Variants in PIK3C2B observed in about 807,000 individuals in gnomAD.
PIK3C2B encodes the protein phosphatidylinositol-4-phosphate 3-kinase catalytic subunit type 2 beta.
A neutral mutation model predicts 184.3 loss-of-function variants in PIK3C2B; 83 were observed. That is an observed-to-expected ratio of 0.45 (90% CI 0.38 to 0.54). The LOEUF is 0.54. Ranked by LOEUF, PIK3C2B falls within the 20% of genes least tolerant of loss-of-function variation. PIK3C2B has a pLI of 0.00. For missense variants in PIK3C2B, 1,736 were observed against 2,113.5 expected (o/e 0.82, Z 3.50); for synonymous variants, 779 against 837.6 (o/e 0.93, Z 1.21).
rs961426881 is a variant in PIK3C2B, at chr1:204,432,120, A to C, written c.4155+80T>G. On this transcript the variant is annotated intron_variant, in intron 27 of 32. Coordinates refer to ENST00000684373, the MANE Select transcript of PIK3C2B (RefSeq NM_001377334.1). Reference sequence around the variant, plus strand: ...GGTCAACTCCTGTGCCCACTGTGCAAGTGTGGAAAAAGTCAGGATCCCAGC... The same window carrying C: ...GGTCAACTCCTGTGCCCACTGTGCACGTGTGGAAAAAGTCAGGATCCCAGC... 6.9e-5 allele frequency: 88 copies of C among 1,272,036 alleles called. No individual in the cohort carries two copies. In the African/African-American group the frequency reaches 1.2e-3, roughly 17 times the overall value. 78.8% of individuals were successfully genotyped at this position (1,272,036 alleles called of 1,614,324 possible).
intron 31 of PIK3C2B, among the ~76,000 whole-genome samples, chr1:204,426,534 C>G (rs895445695): frequency 2.0e-5 from 3 of 152,170 alleles, no homozygotes; most frequent in Non-Finnish European, 4.4e-5. Context: ...AGTCCACTCC[C>G]TTCATTCCAT....
chr1:204,473,247 G>A (rs1282299274), intron 1 of PIK3C2B, among the ~76,000 whole-genome samples: 1 of 152,200 alleles, frequency 6.6e-6, no homozygotes, highest in Non-Finnish European at 1.5e-5. Flanking sequence ...CTGGTCTGAA[G>A]GGTTCTGGCT....
rs557344045 is a variant in PIK3C2B, at chr1:204,427,120, GA to G, written c.4587+527del. On this transcript the variant is annotated intron_variant, in intron 31 of 32. Coordinates refer to ENST00000684373, the MANE Select transcript of PIK3C2B (RefSeq NM_001377334.1). ...CCACTGCACTCCAGCCTGGGTGACA[GA>G]GCAAAACTCCATTTCAAAAAAAAAA... Among the ~76,000 whole-genome samples the G allele has an allele frequency of 4.3e-4, 65 of 150,714 alleles. No individual in the cohort carries two copies. In the East Asian group the frequency reaches 0.011, roughly 27 times the overall value.
chr1:204,430,902 C>T (rs543389351), intron 28 of PIK3C2B, among the ~76,000 whole-genome samples: 1 of 152,188 alleles, frequency 6.6e-6, no homozygotes, highest in Non-Finnish European at 1.5e-5. Context: ...AATCTGCCCA[C>T]CTAGGCCTCC....
At chr1:204,453,611 A>G (rs1654559382) in intron 12 of PIK3C2B, among the ~76,000 whole-genome samples, 1 of 152,106 alleles carries the variant, frequency 6.6e-6, no homozygotes, top group African/African-American at 2.4e-5. Context: ...TTCTCTAGAC[A>G]ACCCTCCCTT....
chr1:204,447,339 AC>A lies in PIK3C2B; in HGVS notation c.2489+96del, dbSNP rs1164146801. ...ACTTCCTGCTGAGATGGCAATGCCC[AC>A]CCCTTCCCACCTCCACTCCCAAAGC... On this transcript the variant is annotated intron_variant, in intron 15 of 32. Coordinates refer to ENST00000684373, the MANE Select transcript of PIK3C2B (RefSeq NM_001377334.1). This position sits in a 1 kb window ranked among gnomAD's most constrained non-coding sequence, Gnocchi z 4.1. 8.2e-7 allele frequency: 1 copy of A among 1,223,716 alleles called. No individual in the cohort carries two copies. The highest frequency in any genetic ancestry group is 1.5e-5 in the African/African-American group (1 of 67,158). The allele number at this position is 1,223,716 out of a possible 1,614,324, so 75.8% of individuals were successfully genotyped here. A position where few individuals can be genotyped will look rare whatever the true frequency, so the allele number is the denominator to read the frequency against.
intron 2 of PIK3C2B, chr1:204,466,907 T>C (rs1655846072): frequency 1.9e-6 from 1 of 533,062 alleles, no homozygotes; most frequent in Admixed American, 1.9e-5. Flanking sequence ...TGGCCTGGGA[T>C]AAGGAGGTTC....
intron 1 of PIK3C2B, among the ~76,000 whole-genome samples, chr1:204,486,586 C>G (rs1301449466): frequency 6.6e-6 from 1 of 151,460 alleles, no homozygotes; most frequent in African/African-American, 2.4e-5. Context: ...AAAAAGTAGC[C>G]GGGCATGAAG....
intron 1 of PIK3C2B, among the ~76,000 whole-genome samples, chr1:204,473,224 T>C (rs1011234835): frequency 6.6e-6 from 1 of 152,234 alleles, no homozygotes; most frequent in African/African-American, 2.4e-5. Context: ...CTGTCAGGTA[T>C]AGGCACAGGA....
Position 204,469,683 on chromosome 1 carries a change from G to C in PIK3C2B, c.120C>G (p.Leu40=), listed in dbSNP as rs1473759441. The change falls in exon 2 of 33, where the codon CTC becomes CTG. Residue 40 remains leucine (L), a synonymous_variant. Transcript: ENST00000684373. ...CTCTGTTCTCCTCCTTGTCATGCCG[G>C]AGCCGGGACAGGGCATCATACTCCA... is the stretch of plus-strand genomic sequence containing the variant. ...LQMEYDALSR[L]RHDKEENRAK... is the part of the protein sequence containing the mutation. The C allele has an allele frequency of 1.2e-6, 2 of 1,614,042 alleles. No individual in the cohort carries two copies. Among genetic ancestry groups the C allele is most frequent in the South Asian group, 2.2e-5 (2 of 91,066 alleles).
Position 204,469,232 on chromosome 1 carries a change from T to A in PIK3C2B, c.571A>T (p.Thr191Ser). The part of the protein sequence containing the change: ...SKISQPSDIN[T>S]FSLVEQLPGK... ...GGCAATTGTTCGACCAAAGAGAAAG[T>A]GTTGATGTCACTGGGCTGGGAGATC... is the stretch of plus-strand genomic sequence containing the variant. Residue 191 changes from threonine (T) to serine (S), a missense_variant, in exon 2 of 33, where the codon ACT (threonine) becomes TCT (serine). By Grantham distance (58) the Thr-to-Ser change is moderately conservative (BLOSUM62 1). Transcript: ENST00000684373. 1.3e-6 allele frequency: 2 copies of A among 1,597,938 alleles called. No individual in the cohort carries two copies. The highest frequency in any genetic ancestry group is 1.7e-6 in the Non-Finnish European group (2 of 1,170,160).
intron 1 of PIK3C2B, among the ~76,000 whole-genome samples, chr1:204,481,292 A>G (rs1434213349): frequency 7.7e-6 from 1 of 129,956 alleles, no homozygotes; most frequent in African/African-American, 2.9e-5. Flanking sequence ...TTTTTGAGAC[A>G]TAGTCTCGCT....
intron 8 of PIK3C2B, among the ~76,000 whole-genome samples, chr1:204,458,485 G>A (rs549244785): frequency 6.7e-6 from 1 of 150,354 alleles, no homozygotes; most frequent in South Asian, 2.1e-4. Flanking sequence ...CTCCCCAAAG[G>A]CTATGACAAT....
intron 16 of PIK3C2B, among the ~76,000 whole-genome samples, chr1:204,445,444 A>G (rs1653770974): frequency 6.6e-6 from 1 of 152,002 alleles, no homozygotes; most frequent in African/African-American, 2.4e-5. Context: ...AAAATTTTAA[A>G]AATTAGTCAG....
chr1:204,479,789 T>A (rs1198556963), intron 1 of PIK3C2B, among the ~76,000 whole-genome samples: 1 of 152,234 alleles, frequency 6.6e-6, no homozygotes, highest in Non-Finnish European at 1.5e-5. Flanking sequence ...CCCTTGGGAA[T>A]CCAGTTCTGC....
chr1:204,489,176 G>T (rs1349831871), intron 1 of PIK3C2B, among the ~76,000 whole-genome samples: 1 of 151,798 alleles, frequency 6.6e-6, no homozygotes, highest in Non-Finnish European at 1.5e-5. Flanking sequence ...TCAGAGACAG[G>T]GTCTCACTCT....
chr1:204,457,941 C>G, intron 8 of PIK3C2B, 67 bp from the exon 9 acceptor site: 1 of 1,445,980 alleles, frequency 6.9e-7, no homozygotes, highest in South Asian at 1.2e-5. Flanking sequence ...AACCCCTCCC[C>G]ACCCCAGTCT....
At chr1:204,475,118 C>T (rs1329995505) in intron 1 of PIK3C2B, among the ~76,000 whole-genome samples, 1 of 152,146 alleles carries the variant, frequency 6.6e-6, no homozygotes. Flanking sequence ...CTCTTCAAGG[C>T]TTTTTCACAG....
chr1:204,450,534 G>A (rs1654262243), intron 12 of PIK3C2B, among the ~76,000 whole-genome samples: 1 of 151,664 alleles, frequency 6.6e-6, no homozygotes, highest in Admixed American at 6.6e-5. Flanking sequence ...CCTCTCACTT[G>A]TCCTCATAGG....
Sources: allele counts gnomAD v4.1 joint callset (sites outside exome capture counted in the v4.1 genomes callset), GRCh38; gene constraint gnomAD v4.1.1; non-coding constraint Gnocchi (gnomAD v3.1); transcripts MANE v1.5; gene names NCBI Gene and HGNC (gene_info 2026-07-23, HGNC 2026-07-21).